Variants in ARSG observed in about 807,000 individuals in gnomAD.
ARSG encodes the protein arylsulfatase G, also known as ASG.
ARSG carries 37 observed loss-of-function variants against 50.5 expected under a neutral mutation model. That is an observed-to-expected ratio of 0.73 (90% CI 0.56 to 0.96). The LOEUF is 0.96. Among genes scored for constraint, ARSG ranks in the 50% least tolerant of loss-of-function variants. The pLI, the probability that ARSG is intolerant of heterozygous loss-of-function variation, is 0.00. For synonymous variants in ARSG, 225 were observed against 254.6 expected (o/e 0.88, Z 1.11); for missense variants, 629 against 675.3 (o/e 0.93, Z 0.76).
At chr17:68,395,025 G>A (rs2081172489) in intron 9 of ARSG, 48 bp from the exon 10 acceptor site, 1 of 1,608,684 alleles carries the variant, frequency 6.2e-7, no homozygotes, top group African/African-American at 1.3e-5. Context: ...CAGGGTCAGG[G>A]AGCGAGTCAG....
rs1568497111 is a variant in ARSG at position 68,346,610 on chromosome 17, G to A, written c.407-515G>A. 6.0e-6 allele frequency: 4 copies of A among 661,572 alleles called. No individual in the cohort carries two copies. The East Asian group carries it at 2.7e-4, about 45-fold the overall frequency. The allele number at this position is 661,572 out of a possible 1,614,324, so 41.0% of individuals were successfully genotyped here. ...TTTGCAGACCGAGGAGCAGCAGGGT[G>A]TCTGAGTTTCCTCATTTGCTGCCCC... On this transcript the variant is annotated intron_variant, in intron 3 of 11. Coordinates refer to ENST00000621439, the MANE Select transcript of ARSG (RefSeq NM_001267727.2).
intron 2 of ARSG, among the ~76,000 whole-genome samples, chr17:68,327,623 C>T (rs782250968): frequency 5.9e-5 from 9 of 152,190 alleles, no homozygotes; most frequent in East Asian, 3.8e-4. Context: ...CACTCTACTT[C>T]GGTATAATCT....
the ARSG span, chr17:68,428,847 ACAC>A: frequency 1.4e-5 from 22 of 1,613,912 alleles, no homozygotes; most frequent in Non-Finnish European, 1.8e-5. Flanking sequence ...TTTGATTAAG[ACAC>A]ACTCTCCTCC....
At chr17:68,410,901 T>C (rs2081968523) in intron 11 of ARSG, among the ~76,000 whole-genome samples, 1 of 152,218 alleles carries the variant, frequency 6.6e-6, no homozygotes, top group Non-Finnish European at 1.5e-5. Flanking sequence ...ATTTTCTAGT[T>C]TATTTGCATA....
intron 1 of ARSG, among the ~76,000 whole-genome samples, chr17:68,269,932 C>CA (rs1186191631): frequency 6.6e-6 from 1 of 152,102 alleles, no homozygotes; most frequent in African/African-American, 2.4e-5. Context: ...CTCATCCTCC[C>CA]AAAGTGTTGG....
intron 9 of ARSG, 106 bp downstream of exon 9, chr17:68,385,278 G>A (rs964073555): frequency 2.1e-6 from 2 of 935,444 alleles, no homozygotes; most frequent in East Asian, 2.5e-5. Context: ...AGGCATGGGT[G>A]GCTAGAGGCC....
chr17:68,292,614 A>G (rs1328060870), intron 1 of ARSG, among the ~76,000 whole-genome samples: 1 of 152,040 alleles, frequency 6.6e-6, no homozygotes, highest in Admixed American at 6.5e-5. Context: ...GATGTCAGAA[A>G]CTCAAGAGAG....
At chr17:68,353,711 T>C (rs946128989) in intron 5 of ARSG, among the ~76,000 whole-genome samples, 2 of 152,186 alleles carry the variant, frequency 1.3e-5, no homozygotes, top group Non-Finnish European at 2.9e-5. Context: ...AATTAATTTA[T>C]TTTTTGGAAG....
chr17:68,300,454 A>G (rs1231970600), intron 1 of ARSG, among the ~76,000 whole-genome samples: 2 of 152,228 alleles, frequency 1.3e-5, no homozygotes, highest in African/African-American at 4.8e-5. Flanking sequence ...AAAGGTTCTT[A>G]AAAATGTGGC....
intron 3 of ARSG, 103 bp from the exon 4 acceptor site, chr17:68,347,022 C>CGAGGCGAAGATAATGGAGAGCT: frequency 6.4e-7 from 1 of 1,566,524 alleles, no homozygotes; most frequent in Non-Finnish European, 8.7e-7. Flanking sequence ...GTCCACAGTG[C>CGAGGCGAAGATAATGGAGAGCT]GAGGCGAAGC....
chr17:68,392,938 T>C (rs1239177815), intron 9 of ARSG, among the ~76,000 whole-genome samples: 2 of 152,246 alleles, frequency 1.3e-5, no homozygotes, highest in African/African-American at 2.4e-5. Flanking sequence ...GAATATTCTC[T>C]TGTGGACACC....
At chr17:68,444,640 C>G in the ARSG span, 1 of 1,465,066 alleles carries the variant, frequency 6.8e-7, no homozygotes, top group Non-Finnish European at 9.4e-7. Flanking sequence ...TACAAAGACC[C>G]TGACCAAATC....
chr17:68,417,312 C>A (rs2082431685), intron 11 of ARSG, among the ~76,000 whole-genome samples: 1 of 152,078 alleles, frequency 6.6e-6, no homozygotes, highest in African/African-American at 2.4e-5. Context: ...GAGGGCAGGC[C>A]TTGTTAAGAA....
At chr17:68,433,909 A>G in the ARSG span, among the ~76,000 whole-genome samples, 1 of 151,312 alleles carries the variant, frequency 6.6e-6, no homozygotes, top group African/African-American at 2.4e-5. Context: ...CAGCCTCCCA[A>G]GTAGCTGGGA....
At position 68,402,305 on chromosome 17, in the gene ARSG, C is replaced by G. The variant is rs529858232; in HGVS notation, c.1303+855C>G. ...TGTCGCCCAGGATGGAGTGCAGTGGCGTCATCTTGGCTCACTGCAACCTCC... is the reference window on the plus strand; with the variant it reads ...TGTCGCCCAGGATGGAGTGCAGTGGGGTCATCTTGGCTCACTGCAACCTCC... On this transcript the variant is annotated intron_variant, in intron 11 of 11. Coordinates refer to ENST00000621439, the MANE Select transcript of ARSG (RefSeq NM_001267727.2). 3.4e-4 allele frequency among the ~76,000 whole-genome samples: 51 copies of G among 152,064 alleles called. 1 individual carries two copies. Among genetic ancestry groups the G allele is most frequent in the African/African-American group, 1.2e-3 (50 of 41,484 alleles).
chr17:68,427,033 C>G, downstream of ARSG: 1 of 970,008 alleles, frequency 1.0e-6, no homozygotes, highest in East Asian at 2.4e-5. Flanking sequence ...GGGCACTCCA[C>G]CCCCAGGTAA....
chr17:68,281,464 A>G (rs1285533560), intron 1 of ARSG, among the ~76,000 whole-genome samples: 2 of 150,902 alleles, frequency 1.3e-5, no homozygotes, highest in African/African-American at 4.9e-5. Context: ...AGTCCCAGCT[A>G]CTCGCGAGGC....
chr17:68,396,015 G>GTTT (rs200577774), intron 10 of ARSG, among the ~76,000 whole-genome samples: 1 of 144,614 alleles, frequency 6.9e-6, no homozygotes, highest in Non-Finnish European at 1.5e-5. Flanking sequence ...TTTTTTTTTT[G>GTTT]TTTTTTTTTT....
At chr17:68,304,098 G>A (rs909366268) in intron 1 of ARSG, among the ~76,000 whole-genome samples, 25 of 152,048 alleles carry the variant, frequency 1.6e-4, no homozygotes, top group African/African-American at 5.8e-4. Flanking sequence ...CTGAAGTCTT[G>A]TACATGGGAT....
Sources: allele counts gnomAD v4.1 joint callset (sites outside exome capture counted in the v4.1 genomes callset), GRCh38; gene constraint gnomAD v4.1.1; transcripts MANE v1.5; gene names NCBI Gene and HGNC (gene_info 2026-07-23, HGNC 2026-07-21).